The following PRELID2 variants were observed in gnomAD, a reference collection of about 807,000 sequenced individuals.
PRELID2 encodes the protein PRELI domain-containing protein 2.
Under a neutral mutation model 28.4 loss-of-function variants are expected in PRELID2, and 25 were observed. The ratio of observed to expected loss-of-function variants is 0.88; its 90% confidence interval spans 0.64 to 1.23. The LOEUF (loss-of-function observed/expected upper bound fraction) is 1.23, where lower values mean the gene tolerates loss of function less well. PRELID2 is among the 50% of genes most tolerant of loss of function. The pLI, the probability that PRELID2 is intolerant of heterozygous loss-of-function variation, is 0.00. For missense variants in PRELID2, 201 were observed against 214.4 expected (o/e 0.94, Z 0.39); for synonymous variants, 76 against 71.6 (o/e 1.06, Z -0.31).
intron 1 of PRELID2, among the ~76,000 whole-genome samples, chr5:145,508,343 TTGTTGAAGTTGAA>T (rs1752430828): frequency 6.6e-6 from 1 of 152,078 alleles, no homozygotes; most frequent in Non-Finnish European, 1.5e-5. Context: ...TTTCTCCACA[TTGTTGAAGTTGAA>T]ATAAACAGAC....
chr5:145,572,758 T>G (rs967418389), intron 1 of PRELID2, among the ~76,000 whole-genome samples: 1 of 152,178 alleles, frequency 6.6e-6, no homozygotes, highest in African/African-American at 2.4e-5. Context: ...TACACATTAG[T>G]GCTGGGCGGA....
chr5:145,433,802 A>G, the PRELID2 span, among the ~76,000 whole-genome samples: 11 of 152,278 alleles, frequency 7.2e-5, no homozygotes, highest in East Asian at 1.9e-3. Context: ...AGCCCTAGGC[A>G]TGGTAGCTTC....
chr5:145,817,447 A>ATATATATATATATATATC (rs1293005630), intron 4 of PRELID2, among the ~76,000 whole-genome samples: 14 of 130,252 alleles, frequency 1.1e-4, no homozygotes, highest in Non-Finnish European at 1.9e-4. Context: ...ATATATATAT[A>ATATATATATATATATATC]TCACATGGTT....
chr5:145,741,927 A>C (rs111217481), intron 1 of PRELID2, among the ~76,000 whole-genome samples: 100,299 of 122,086 alleles, frequency 0.82, 41,633 homozygotes, highest in East Asian at 0.88. Flanking sequence ...TAAACAAATA[A>C]ATTTATTATA....
At chr5:145,401,207 C>T in the PRELID2 span, among the ~76,000 whole-genome samples, 1 of 151,782 alleles carries the variant, frequency 6.6e-6, no homozygotes, top group South Asian at 2.1e-4. Flanking sequence ...TTTGCAAGTT[C>T]TAGAATCTAG....
chr5:145,431,483 G>A, the PRELID2 span, among the ~76,000 whole-genome samples: 1 of 152,138 alleles, frequency 6.6e-6, no homozygotes, highest in African/African-American at 2.4e-5. Context: ...AAGTGTAACT[G>A]CACAATGAAG....
chr5:145,705,370 T>C (rs1206070059), intron 1 of PRELID2, among the ~76,000 whole-genome samples: 1 of 151,940 alleles, frequency 6.6e-6, no homozygotes, highest in Non-Finnish European at 1.5e-5. Flanking sequence ...TTTGTGGGTT[T>C]TTTTTGTATT....
chr5:145,346,552 G>A, the PRELID2 span, among the ~76,000 whole-genome samples: 2 of 152,224 alleles, frequency 1.3e-5, no homozygotes, highest in South Asian at 4.1e-4. Flanking sequence ...TTCCATTTTA[G>A]GGGCTTTAAA....
intron 1 of PRELID2, among the ~76,000 whole-genome samples, chr5:145,750,703 C>A (rs1300194688): frequency 2.0e-5 from 3 of 152,196 alleles, no homozygotes; most frequent in Non-Finnish European, 4.4e-5. Context: ...GTTATTCCTG[C>A]TGGCAACTGC....
intron 4 of PRELID2, among the ~76,000 whole-genome samples, chr5:145,801,143 C>T (rs1234918199): frequency 1.3e-5 from 2 of 152,154 alleles, no homozygotes; most frequent in East Asian, 3.8e-4. Flanking sequence ...ATATGTATTC[C>T]TTTGGCCATC....
chr5:145,417,298 C>T, the PRELID2 span, among the ~76,000 whole-genome samples: 1 of 152,254 alleles, frequency 6.6e-6, no homozygotes, highest in African/African-American at 2.4e-5. Context: ...GATGAATTCA[C>T]AGCTGAATTC....
the PRELID2 span, among the ~76,000 whole-genome samples, chr5:145,437,974 T>C: frequency 6.6e-6 from 1 of 152,096 alleles, no homozygotes; most frequent in Non-Finnish European, 1.5e-5. Flanking sequence ...AGCAGAACAG[T>C]CAGACAAATG....
chr5:145,665,264 G>A (rs150483602), intron 1 of PRELID2, among the ~76,000 whole-genome samples: 1 of 152,172 alleles, frequency 6.6e-6, no homozygotes, highest in African/African-American at 2.4e-5. Context: ...TGAATTGTCT[G>A]GAAGAGCAGG....
intron 1 of PRELID2, among the ~76,000 whole-genome samples, chr5:145,551,984 C>T (rs1029481531): frequency 1.3e-5 from 2 of 152,158 alleles, no homozygotes; most frequent in Non-Finnish European, 2.9e-5. Context: ...CTGAACCTCT[C>T]CTGAAACTGG....
At chr5:145,549,493 T>G (rs890723185) in intron 1 of PRELID2, among the ~76,000 whole-genome samples, 2 of 152,092 alleles carry the variant, frequency 1.3e-5, no homozygotes, top group African/African-American at 4.8e-5. Context: ...AGTGTAAGAG[T>G]ACATGCCAGG....
the PRELID2 span, among the ~76,000 whole-genome samples, chr5:145,261,794 C>A: frequency 6.6e-6 from 1 of 152,122 alleles, no homozygotes; most frequent in East Asian, 1.9e-4. Flanking sequence ...TTAACACCCC[C>A]AAAAGATCAC....
At chr5:145,495,320 T>C (rs1464294157) in intron 1 of PRELID2, among the ~76,000 whole-genome samples, 2 of 152,160 alleles carry the variant, frequency 1.3e-5, no homozygotes, top group Non-Finnish European at 2.9e-5. Flanking sequence ...TATAACACAG[T>C]GTGAATTGAG....
In PRELID2 at chr5:145,660,533, C is replaced by A. The variant is rs189597342; in HGVS notation, n.70+104398G>T. ...GGAAGACTGAGAAAAAATGCACTCACTCAATGGCTCCAGCAGTAACAGCAG... is the reference window on the plus strand; with the variant it reads ...GGAAGACTGAGAAAAAATGCACTCAATCAATGGCTCCAGCAGTAACAGCAG... On this transcript the variant is annotated intron_variant and non_coding_transcript_variant, in intron 1 of 2. Coordinates refer to the PRELID2 transcript ENST00000510259. 4.0e-4 allele frequency among the ~76,000 whole-genome samples: 61 copies of A among 152,300 alleles called. 1 individual carries two copies. The highest frequency in any genetic ancestry group is 1.4e-3 in the African/African-American group (59 of 41,554).
chr5:145,286,723 TG>T, the PRELID2 span, among the ~76,000 whole-genome samples: 17 of 129,100 alleles, frequency 1.3e-4, no homozygotes, highest in East Asian at 1.4e-3. Context: ...TTTGTTTGTT[TG>T]TTTTTTTTTT....
Sources: gnomAD v4.1 joint callset for allele counts (sites outside exome capture counted in the v4.1 genomes callset) on GRCh38, gnomAD v4.1.1 for gene constraint, MANE v1.5 for transcripts, NCBI Gene and HGNC (gene_info 2026-07-23, HGNC 2026-07-21) for gene names.